The following MDN1 variants were observed in gnomAD, a reference collection of about 807,000 sequenced individuals.
MDN1 encodes the protein midasin.
Under a neutral mutation model 669.2 loss-of-function variants are expected in MDN1, and 266 were observed. That is an observed-to-expected ratio of 0.40 (90% CI 0.36 to 0.44). MDN1 has a LOEUF of 0.44. MDN1 is among the 20% of genes least tolerant of loss of function. The pLI, the probability that MDN1 is intolerant of heterozygous loss-of-function variation, is 1.00. For synonymous variants in MDN1, 2,385 were observed against 2,457.1 expected (o/e 0.97, Z 0.87); for missense variants, 5,940 against 6,754.0 (o/e 0.88, Z 4.22).
chr6:89,686,356 C>T (rs1584187373), intron 69 of MDN1, among the ~76,000 whole-genome samples: 1 of 151,888 alleles, frequency 6.6e-6, no homozygotes, highest in Non-Finnish European at 1.5e-5. Flanking sequence ...GCCTGGGAGG[C>T]GGAGATTGCA....
At chr6:89,714,908 A>C (rs1222239943) in intron 45 of MDN1, among the ~76,000 whole-genome samples, 157 bp from the exon 46 acceptor site, 1 of 152,228 alleles carries the variant, frequency 6.6e-6, no homozygotes, top group Non-Finnish European at 1.5e-5. Context: ...CAATATAGCA[A>C]AAGATTTTCT....
In MDN1 at chr6:89,671,069, T is replaced by G; in HGVS notation, c.13806A>C (p.Gln4602His). The part of the protein sequence containing the change: ...GTAAKHLFFS[Q>H]SCSLLVRLVP... The stretch of plus-strand genomic sequence containing the variant: ...CCAGGCGCACCAGCAAGGAACAGGA[T>G]TGGCTGAAGAACTGAGACCAAAACA... The change falls in exon 83 of 102, where the codon CAA (glutamine) becomes CAC (histidine). Residue 4602 changes from glutamine to histidine, a missense_variant. Transcript: ENST00000369393. 2 of 1,613,802 alleles carry G rather than the reference T, an allele frequency of 1.2e-6. No homozygotes were observed. Among genetic ancestry groups the G allele is most frequent in the Non-Finnish European group, 1.7e-6 (2 of 1,179,922 alleles).
At position 89,761,725 on chromosome 6, in the gene MDN1, C is replaced by G. The variant is rs772122603; in HGVS notation, c.2380G>C (p.Glu794Gln). ...TGGTTGAGTCTAAGACCAAATGCTTCCCATTTCTCTTTTATGAGTAACCCT... is the reference window on the plus strand; with the variant it reads ...TGGTTGAGTCTAAGACCAAATGCTTGCCATTTCTCTTTTATGAGTAACCCT... ...ETGLLIKEKW[E>Q]AFGLRLNHAQ... Residue 794 changes from glutamate (E) to glutamine (Q), a missense_variant, in exon 17 of 102, where the codon GAA becomes CAA. This residue lies in a region of MDN1 where 1,203 missense variants were observed against 1,268.9 expected (regional missense o/e 0.95). Transcript: ENST00000369393. 18 of 1,609,448 alleles carry G rather than the reference C, an allele frequency of 1.1e-5. No homozygotes were observed. The highest frequency in any genetic ancestry group is 1.5e-5 in the Non-Finnish European group (18 of 1,177,454).
At position 89,662,510 on chromosome 6, in the gene MDN1, C is replaced by T. The variant is rs143043229; in HGVS notation, c.14413-271G>A. On this transcript the variant is annotated intron_variant, in intron 86 of 101. Transcript: ENST00000369393. ...CACTCAGCCCTGGAGTTCTCCCAAG[C>T]TGGGAGCTGGAAAAAATCAGTGGCC... Among the ~76,000 whole-genome samples, 13 of 152,270 alleles carry T rather than the reference C, an allele frequency of 8.5e-5. 1 individual carries two copies. The highest frequency in any genetic ancestry group is 3.1e-4 in the African/African-American group (13 of 41,542).
Position 89,674,244 on chromosome 6 carries a change from A to G in MDN1, c.13107T>C (p.Ser4369=), listed in dbSNP as rs1296296373. The G allele has an allele frequency of 1.2e-6, 2 of 1,614,256 alleles. No homozygotes were observed. Among genetic ancestry groups the G allele is most frequent in the Non-Finnish European group, 1.7e-6 (2 of 1,180,052 alleles). ...GATCCTGTTTCCGCATCCGGCAACC[A>G]GAGGGCAGCTGACTTCCAGGTATTG... ...PSPIPGSQLP[S]GCRMRKQDHL... Residue 4369 remains serine (S), a synonymous_variant, in exon 79 of 102, where the codon TCT becomes TCC. Coordinates refer to ENST00000369393, the MANE Select transcript of MDN1 (RefSeq NM_014611.3).
chr6:89,690,981 G>T, intron 63 of MDN1, 147 bp from the exon 64 acceptor site: 1 of 983,962 alleles, frequency 1.0e-6, no homozygotes, highest in Non-Finnish European at 1.5e-6. Context: ...AAATTCCATG[G>T]AATAAAGAGC....
chr6:89,658,921 T>C lies in MDN1; in HGVS notation c.14714-4A>G. On this transcript the variant is annotated splice_region_variant and splice_polypyrimidine_tract_variant and intron_variant, in intron 88 of 101. Transcript: ENST00000369393. ...TTTATCTCCAAAGGATTCTCTTCTG[T>C]ATAGATACAACAAAAAGGAGGAGTG... 1.3e-6 allele frequency: 2 copies of C among 1,586,222 alleles called. No individual in the cohort carries two copies. The highest frequency in any genetic ancestry group is 1.7e-6 in the Non-Finnish European group (2 of 1,167,642).
chr6:89,703,557 G>T (rs1210605380), intron 53 of MDN1, among the ~76,000 whole-genome samples: 1 of 152,014 alleles, frequency 6.6e-6, no homozygotes, highest in Non-Finnish European at 1.5e-5. Context: ...TCCTATAGTG[G>T]TTCCATGAAG....
intron 84 of MDN1, 148 bp downstream of exon 84, chr6:89,667,866 C>T: frequency 1.2e-6 from 1 of 827,000 alleles, no homozygotes; most frequent in Non-Finnish European, 1.7e-6. Flanking sequence ...TTATTTACAC[C>T]CACTGCCGAA....
chr6:89,676,247 C>A, intron 76 of MDN1, 40 bp from the exon 77 acceptor site: 1 of 1,553,964 alleles, frequency 6.4e-7, no homozygotes, highest in Non-Finnish European at 8.9e-7. Flanking sequence ...ATTAAAACCA[C>A]GCTCTCCCAC....
chr6:89,699,857 T>G, intron 57 of MDN1, 130 bp from the exon 58 acceptor site: 1 of 1,171,930 alleles, frequency 8.5e-7, no homozygotes, highest in Non-Finnish European at 1.2e-6. Context: ...ACTCTACTGA[T>G]AAAATTCTCG....
In MDN1 at chr6:89,699,587, A is replaced by C. The variant is rs149771603; in HGVS notation, c.8997+14T>G. ...ATAATGTAAAGGAGGCTTATGTCTTATTGTGATTTTTACCTTCTGATGATG... is the reference window on the plus strand; with the variant it reads ...ATAATGTAAAGGAGGCTTATGTCTTCTTGTGATTTTTACCTTCTGATGATG... On this transcript the variant is annotated intron_variant, in intron 58 of 101. Coordinates refer to ENST00000369393, the MANE Select transcript of MDN1 (RefSeq NM_014611.3). The C allele has an allele frequency of 3.6e-5, 58 of 1,609,540 alleles. No individual in the cohort carries two copies. The African/African-American group carries it at 7.1e-4, about 20-fold the overall frequency.
intron 91 of MDN1, 90 bp downstream of exon 91, chr6:89,656,610 C>CTTTTT (rs35227833): frequency 5.4e-6 from 4 of 734,366 alleles, no homozygotes; most frequent in Non-Finnish European, 8.5e-6. Flanking sequence ...AGGAGTATAG[C>CTTTTT]TTTTTTTTTT....
At chr6:89,758,069 C>T (rs1584326662) in intron 19 of MDN1, among the ~76,000 whole-genome samples, 186 bp downstream of exon 19, 2 of 151,430 alleles carry the variant, frequency 1.3e-5, no homozygotes, top group South Asian at 4.2e-4. Context: ...AAAAAAATAG[C>T]TGGGTGTGGT....
At chr6:89,650,661 G>A (rs1808787001) in intron 96 of MDN1, 71 bp downstream of exon 96, 9 of 1,177,412 alleles carry the variant, frequency 7.6e-6, no homozygotes, top group African/African-American at 1.5e-5. Context: ...GTTAGGTGCC[G>A]CGTTCAACAG....
chr6:89,688,471 A>C, intron 66 of MDN1, 102 bp downstream of exon 66: 2 of 1,000,432 alleles, frequency 2.0e-6, no homozygotes, highest in Non-Finnish European at 2.9e-6. Context: ...CTTTGTTTAT[A>C]TGTATATATG....
chr6:89,670,170 A>ATATATATATTTTTTTTT (rs1444537561), intron 83 of MDN1, among the ~76,000 whole-genome samples: 10 of 23,398 alleles, frequency 4.3e-4, no homozygotes, highest in Non-Finnish European at 5.5e-4. Context: ...ATATATATAT[A>ATATATATATTTTTTTTT]TTTTTTTTTT....
chr6:89,723,577 C>A lies in MDN1; in HGVS notation c.5713G>T (p.Ala1905Ser), dbSNP rs1353374710. Residue 1905 changes from alanine to serine, a missense_variant, in exon 39 of 102, where the codon GCC becomes TCC. Physicochemically the swap from Ala to Ser is moderately conservative, Grantham distance 99. This residue lies in a region of MDN1 where 2,292 missense variants were observed against 2,638.3 expected (regional missense o/e 0.87). Coordinates refer to ENST00000369393, the MANE Select transcript of MDN1 (RefSeq NM_014611.3). ...TCAATGGCTGGAAACAAAGTACTGG[C>A]AATGAACTCCATGTCAATTACTGTA... The part of the protein sequence containing the change: ...PLTVIDMEFI[A>S]STLFPAIEKN... 1.2e-6 allele frequency: 2 copies of A among 1,602,174 alleles called. No homozygotes were observed.
intron 83 of MDN1, 59 bp downstream of exon 83, chr6:89,670,860 T>C: frequency 1.3e-6 from 2 of 1,547,288 alleles, no homozygotes; most frequent in Non-Finnish European, 8.8e-7. Flanking sequence ...CAAAGACTAA[T>C]GACATGAAAT....
Sources: gnomAD v4.1 joint callset for allele counts (sites outside exome capture counted in the v4.1 genomes callset) on GRCh38, gnomAD v4.1.1 for gene constraint, gnomAD v4.1.1 regional missense constraint, MANE v1.5 for transcripts, NCBI Gene and HGNC (gene_info 2026-07-23, HGNC 2026-07-21) for gene names.